RALYL: variants seen among roughly 807,000 people sequenced by gnomAD.
The protein encoded by RALYL is RNA-binding Raly-like protein.
Under a neutral mutation model 35.1 loss-of-function variants are expected in RALYL, and 29 were observed. The ratio of observed to expected loss-of-function variants is 0.83; its 90% CI spans 0.61 to 1.13. RALYL has a LOEUF of 1.13. Among genes scored for constraint, RALYL ranks in the 50% most tolerant of loss-of-function variants. The pLI, the probability that RALYL is intolerant of heterozygous loss-of-function variation, is 0.00. For synonymous variants in RALYL, 120 were observed against 127.6 expected, an observed-to-expected ratio of 0.94 and a Z score of 0.40; for missense variants, 359 against 360.4, an observed-to-expected ratio of 1.00 and a Z score of 0.03.
intron 2 of RALYL, among the ~76,000 whole-genome samples, chr8:84,757,789 A>G (rs1184448899): frequency 6.6e-6 from 1 of 152,172 alleles, no homozygotes; most frequent in Non-Finnish European, 1.5e-5. Context: ...CTTAGCGTGA[A>G]TGGTTATTTT....
At chr8:84,300,312 T>C (rs1840527976) in intron 1 of RALYL, among the ~76,000 whole-genome samples, 1 of 152,020 alleles carries the variant, frequency 6.6e-6, no homozygotes, top group Non-Finnish European at 1.5e-5. Flanking sequence ...GTGATTGGTA[T>C]GATTTCAGTT....
chr8:84,622,670 G>T (rs1234706441), intron 2 of RALYL, among the ~76,000 whole-genome samples: 1 of 152,112 alleles, frequency 6.6e-6, no homozygotes. Context: ...TAGTTTCCTT[G>T]CTGTCATATG....
intron 2 of RALYL, among the ~76,000 whole-genome samples, chr8:84,556,941 A>G (rs779009475): frequency 3.9e-5 from 6 of 152,174 alleles, no homozygotes; most frequent in Admixed American, 1.3e-4. Flanking sequence ...AAAGCCACTG[A>G]TATTTTGGGG....
At position 84,267,985 on chromosome 8, in the gene RALYL, C is replaced by CT. The variant is rs575755269; in HGVS notation, c.-24+83562dup. Among the ~76,000 whole-genome samples, 16 of 152,256 alleles carry CT rather than the reference C, an allele frequency of 1.1e-4. No homozygotes were observed. In the East Asian group the frequency reaches 3.1e-3, roughly 29 times the overall value. On this transcript the variant is annotated intron_variant, in intron 1 of 8. Transcript: ENST00000521268. ...TTTTACTGAATGCTTGCTAAAATGACTATCAGTGTTAAAACATTAAACTTG... is the reference window on the plus strand; with the variant it reads ...TTTTACTGAATGCTTGCTAAAATGACTTATCAGTGTTAAAACATTAAACTTG...
chr8:84,745,959 C>T (rs886815092), intron 2 of RALYL, among the ~76,000 whole-genome samples: 1 of 151,976 alleles, frequency 6.6e-6, no homozygotes, highest in African/African-American at 2.4e-5. Context: ...ATGGAAGAAC[C>T]TATGATTGAG....
chr8:84,506,450 T>C (rs2057173189), intron 1 of RALYL, among the ~76,000 whole-genome samples: 1 of 152,042 alleles, frequency 6.6e-6, no homozygotes, highest in South Asian at 2.1e-4. Context: ...ATATAATTAC[T>C]ATGAAGTTTA....
intron 1 of RALYL, among the ~76,000 whole-genome samples, chr8:84,231,197 T>G (rs1448258464): frequency 6.6e-6 from 1 of 152,148 alleles, no homozygotes; most frequent in East Asian, 1.9e-4. Flanking sequence ...AAGTGATGCT[T>G]GAGCTGAGAC....
intron 2 of RALYL, among the ~76,000 whole-genome samples, chr8:84,687,749 T>A (rs1837123258): frequency 6.6e-6 from 1 of 152,110 alleles, no homozygotes; most frequent in Non-Finnish European, 1.5e-5. Context: ...TCTGCAAAAA[T>A]TCTGTAATTT....
intron 2 of RALYL, among the ~76,000 whole-genome samples, chr8:84,541,288 A>G (rs1174748976): frequency 6.6e-6 from 1 of 151,946 alleles, no homozygotes; most frequent in Non-Finnish European, 1.5e-5. Flanking sequence ...ATGTTCTAGT[A>G]TGTCATATTT....
rs1478482401 is a variant in RALYL at position 84,422,829 on chromosome 8, G to A, written c.-23-106470G>A. Among the ~76,000 whole-genome samples, 8 of 145,558 alleles carry A rather than the reference G, an allele frequency of 5.5e-5. No individual in the cohort carries two copies. In the South Asian group the frequency reaches 6.6e-4, roughly 12 times the overall value. ...GTACCCAGTAGTCATTCAGGAGCAG[G>A]TTGTTCAGTTTCCATGTAGTTGAGC... On this transcript the variant is annotated intron_variant, in intron 1 of 8. Transcript: ENST00000521268.
intron 5 of RALYL, among the ~76,000 whole-genome samples, chr8:84,861,380 A>C (rs1320633369): frequency 1.3e-5 from 2 of 152,200 alleles, no homozygotes; most frequent in Non-Finnish European, 2.9e-5. Context: ...CAGTACAAAT[A>C]ATATGAAGCT....
chr8:84,858,286 AATTT>A (rs1455716873), intron 5 of RALYL, among the ~76,000 whole-genome samples: 2 of 152,174 alleles, frequency 1.3e-5, no homozygotes, highest in South Asian at 2.1e-4. Flanking sequence ...GAATTTTTTA[AATTT>A]ATTACTTGAC....
intron 1 of RALYL, among the ~76,000 whole-genome samples, chr8:84,356,868 T>C (rs1851939475): frequency 7.5e-6 from 1 of 134,020 alleles, no homozygotes; most frequent in South Asian, 2.1e-4. Flanking sequence ...ATTGAGGTAA[T>C]TGGATTCTTG....
chr8:84,642,337 C>T (rs913353907), intron 2 of RALYL, among the ~76,000 whole-genome samples: 7 of 151,886 alleles, frequency 4.6e-5, no homozygotes, highest in Non-Finnish European at 7.4e-5. Context: ...AGTAAAGCAG[C>T]CTCTATGGCA....
intron 4 of RALYL, among the ~76,000 whole-genome samples, chr8:84,835,411 T>A (rs908227679): frequency 6.7e-6 from 1 of 149,952 alleles, no homozygotes; most frequent in Non-Finnish European, 1.5e-5. Flanking sequence ...CTCACGCCTG[T>A]AATGCCAGCA....
intron 2 of RALYL, among the ~76,000 whole-genome samples, chr8:84,583,016 T>C (rs1373845904): frequency 1.3e-5 from 2 of 152,152 alleles, no homozygotes; most frequent in Non-Finnish European, 2.9e-5. Context: ...TCCATCTATC[T>C]ATACACTAAG....
chr8:84,444,000 T>G (rs1386528931), intron 1 of RALYL, among the ~76,000 whole-genome samples: 1 of 152,122 alleles, frequency 6.6e-6, no homozygotes, highest in Non-Finnish European at 1.5e-5. Context: ...TTGTTTTATC[T>G]TATTTTCCTT....
chr8:84,608,466 A>G (rs1254279531), intron 2 of RALYL, among the ~76,000 whole-genome samples: 1 of 151,916 alleles, frequency 6.6e-6, no homozygotes, highest in African/African-American at 2.4e-5. Context: ...CTTTTTCTAT[A>G]TTTCTGAAGG....
At chr8:84,351,752 C>T (rs1850934013) in intron 1 of RALYL, among the ~76,000 whole-genome samples, 1 of 150,176 alleles carries the variant, frequency 6.7e-6, no homozygotes, top group Non-Finnish European at 1.5e-5. Flanking sequence ...ATGGTTGTTC[C>T]ATAACTTTAT....
Sources: gnomAD v4.1 joint callset for allele counts (sites outside exome capture counted in the v4.1 genomes callset) on GRCh38, gnomAD v4.1.1 for gene constraint, MANE v1.5 for transcripts, NCBI Gene and HGNC (gene_info 2026-07-23, HGNC 2026-07-21) for gene names.